BAZ1B: variants seen among roughly 807,000 people sequenced by gnomAD.
BAZ1B encodes the protein bromodomain adjacent to zinc finger domain 1B, also known as tyrosine-protein kinase BAZ1B.
In BAZ1B, 22 loss-of-function variants were observed where a neutral mutation model predicts 153.8. That is an observed-to-expected ratio of 0.14 (90% CI 0.10 to 0.20). The LOEUF is 0.20. BAZ1B is among the 10% of genes least tolerant of loss of function. The pLI is 1.00. For synonymous variants in BAZ1B, 676 were observed against 633.4 expected, an observed-to-expected ratio of 1.07 and a Z score of -1.01; for missense variants, 1,325 against 1,799.3, an observed-to-expected ratio of 0.74 and a Z score of 4.77.
At chr7:73,452,947 A>G (rs551946092) in intron 13 of BAZ1B, among the ~76,000 whole-genome samples, 25 of 152,326 alleles carry the variant, frequency 1.6e-4, no homozygotes, top group East Asian at 9.6e-4. Context: ...GCCAAACAAT[A>G]TATCAGTCTT....
intron 2 of BAZ1B, among the ~76,000 whole-genome samples, chr7:73,510,503 C>G (rs185658859): frequency 6.4e-4 from 98 of 152,304 alleles, no homozygotes; most frequent in Non-Finnish European, 6.6e-4. Context: ...CAGGAACACT[C>G]AAAGGCCTGG....
At chr7:73,494,181 A>C (rs1179318850) in intron 4 of BAZ1B, among the ~76,000 whole-genome samples, 2 of 152,150 alleles carry the variant, frequency 1.3e-5, no homozygotes, top group Non-Finnish European at 2.9e-5. Context: ...CAAGAATTCG[A>C]GACCAGCCTG....
Position 73,456,937 on chromosome 7 carries a change from CAAAAAAAAAAAAAAAAAAAAAAAAA to C in BAZ1B, c.3432+2574_3432+2598del, listed in dbSNP as rs71071937. On this transcript the variant is annotated intron_variant, in intron 13 of 19. Transcript: ENST00000339594. ...GGCCTCGGCGACAGAGACTCTGTCT[CAAAAAAAAAAAAAAAAAAAAAAAAA>C]AAAAAAAAAAAAAAAGTATTGGCGA... Among the ~76,000 whole-genome samples the C allele has an allele frequency of 1.2e-3, 46 of 39,580 alleles. 2 individuals carry two copies. In the South Asian group the frequency reaches 0.034, roughly 29 times the overall value. 26.0% of individuals were successfully genotyped at this position (39,580 alleles called of 152,430 possible).
At chr7:73,500,890 T>TAAAAAAAAAAAAAAA (rs1207744313) in intron 3 of BAZ1B, among the ~76,000 whole-genome samples, 4 of 105,270 alleles carry the variant, frequency 3.8e-5, no homozygotes, top group African/African-American at 1.5e-4. Context: ...ACTCTGTTTA[T>TAAAAAAAAAAAAAAA]AAAAAAAAAA....
chr7:73,501,999 TCCTGTCTCAG>T (rs1385923775), intron 3 of BAZ1B, among the ~76,000 whole-genome samples: 2 of 151,328 alleles, frequency 1.3e-5, no homozygotes, highest in Admixed American at 1.3e-4. Context: ...CAAGCAATTC[TCCTGTCTCAG>T]CCTTCCAAGT....
chr7:73,456,663 T>A (rs1476964938), intron 13 of BAZ1B, among the ~76,000 whole-genome samples: 1 of 151,960 alleles, frequency 6.6e-6, no homozygotes, highest in East Asian at 1.9e-4. Context: ...TGGCAAAGGC[T>A]GGGCGTGGTG....
rs1355278129 is a variant in BAZ1B at position 73,460,491 on chromosome 7, CTTTTT to C, written c.3250-778_3250-774del. Among the ~76,000 whole-genome samples, 12 of 151,822 alleles carry C rather than the reference CTTTTT, an allele frequency of 7.9e-5. No homozygotes were observed. In the South Asian group the frequency reaches 1.7e-3, roughly 21 times the overall value. On this transcript the variant is annotated intron_variant, in intron 12 of 19. Transcript: ENST00000339594. ...TAGTATGTTTTACAAACTTGATCTC[CTTTTT>C]TTTATTTTTAAAGAGATAGGTCTCA...
chr7:73,464,207 C>T, intron 11 of BAZ1B: 1 of 969,956 alleles, frequency 1.0e-6, no homozygotes, highest in Non-Finnish European at 1.2e-6. Flanking sequence ...CTAAATTCAA[C>T]CGTGAAATTG....
At chr7:73,458,826 C>T (rs1168899640) in intron 13 of BAZ1B, among the ~76,000 whole-genome samples, 3 of 152,108 alleles carry the variant, frequency 2.0e-5, no homozygotes, top group Non-Finnish European at 4.4e-5. Context: ...GCCAGAAGTT[C>T]AAGGTTACAG....
intron 6 of BAZ1B, 109 bp downstream of exon 6, chr7:73,489,081 AATTC>A (rs1415718192): frequency 8.8e-7 from 1 of 1,141,846 alleles, no homozygotes; most frequent in Non-Finnish European, 1.2e-6. Context: ...AAAAATTTTT[AATTC>A]ATTATCTGAT....
chr7:73,469,768 ATTC>A (rs1788726889), intron 8 of BAZ1B, 118 bp from the exon 9 acceptor site: 5 of 1,208,194 alleles, frequency 4.1e-6, no homozygotes, highest in Non-Finnish European at 4.7e-6. Context: ...AGTTTACAGA[ATTC>A]TTCCTCTTCA....
Position 73,469,495 on chromosome 7 carries a change from TTAGA to T in BAZ1B, c.2866+18_2866+21del. On this transcript the variant is annotated intron_variant, in intron 9 of 19. Coordinates refer to ENST00000339594, the MANE Select transcript of BAZ1B (RefSeq NM_032408.4). ...CCACTTGAGCAGGGTGAAATAACTC[TTAGA>T]TATACAGATATACTCACTGCGAGGA... The T allele has an allele frequency of 6.2e-7, 1 of 1,613,652 alleles. No homozygotes were observed. The highest frequency in any genetic ancestry group is 8.5e-7 in the Non-Finnish European group (1 of 1,179,666).
At chr7:73,470,658 C>T (rs1045900415) in intron 7 of BAZ1B, among the ~76,000 whole-genome samples, 175 bp from the exon 8 acceptor site, 15 of 152,164 alleles carry the variant, frequency 9.9e-5, no homozygotes, top group African/African-American at 3.6e-4. Flanking sequence ...AACATCTAGT[C>T]CTCCTACACT....
intron 15 of BAZ1B, among the ~76,000 whole-genome samples, chr7:73,448,647 T>C (rs1648187514): frequency 6.6e-6 from 1 of 152,170 alleles, no homozygotes; most frequent in African/African-American, 2.4e-5. Flanking sequence ...AGCGAAGCCA[T>C]GGGCAGTTTA....
intron 4 of BAZ1B, among the ~76,000 whole-genome samples, chr7:73,497,065 C>CAAAAAAAA (rs1156829240): frequency 8.1e-5 from 4 of 49,508 alleles, no homozygotes; most frequent in African/African-American, 1.8e-4. Flanking sequence ...CTGACCTCTA[C>CAAAAAAAA]AAAAAAAAAA....
chr7:73,453,333 AC>A (rs1788083000), intron 13 of BAZ1B, among the ~76,000 whole-genome samples: 1 of 152,252 alleles, frequency 6.6e-6, no homozygotes, highest in Admixed American at 6.5e-5. Flanking sequence ...CAAACTTCTC[AC>A]ATTTTCCTCC....
At chr7:73,463,232 CTTTTTTCT>C (rs1224636921) in intron 11 of BAZ1B, 133 bp from the exon 12 acceptor site, 43 of 638,510 alleles carry the variant, frequency 6.7e-5, no homozygotes, top group African/African-American at 6.4e-4. Context: ...GGTGTTTTTT[CTTTTTTCT>C]TTTTTTTTTT....
At chr7:73,519,672 G>A (rs563014063) in intron 1 of BAZ1B, among the ~76,000 whole-genome samples, 31 of 151,982 alleles carry the variant, frequency 2.0e-4, no homozygotes, top group Non-Finnish European at 3.8e-4. Flanking sequence ...AAAAGCCTGC[G>A]TTGCCAGTCC....
At chr7:73,480,356 G>A (rs941722886) in intron 6 of BAZ1B, among the ~76,000 whole-genome samples, 6 of 151,808 alleles carry the variant, frequency 4.0e-5, no homozygotes, top group African/African-American at 9.7e-5. Context: ...GTTACAGTCC[G>A]GTCCATTTGT....
Sources: allele counts gnomAD v4.1 joint callset (sites outside exome capture counted in the v4.1 genomes callset), GRCh38; gene constraint gnomAD v4.1.1; transcripts MANE v1.5; gene names NCBI Gene and HGNC (gene_info 2026-07-23, HGNC 2026-07-21).